CACHD1: variants seen among roughly 807,000 people sequenced by gnomAD.
The protein encoded by CACHD1 is cache domain containing 1, also known as VWFA and cache domain-containing protein 1.
CACHD1 carries 71 observed loss-of-function variants against 138.7 expected under a neutral mutation model. The ratio of observed to expected loss-of-function variants is 0.51; its 90% CI spans 0.42 to 0.62. The LOEUF (loss-of-function observed/expected upper bound fraction) is 0.62, where lower values mean the gene tolerates loss of function less well. Ranked by LOEUF, CACHD1 falls within the 20% of genes least tolerant of loss-of-function variation. The pLI is 0.00. For missense variants in CACHD1, 1,389 were observed against 1,625.3 expected (o/e 0.85, Z 2.50); for synonymous variants, 578 against 591.5 (o/e 0.98, Z 0.33).
chr1:64,629,491 C>T lies in CACHD1; in HGVS notation c.644+10C>T. On this transcript the variant is annotated intron_variant, in intron 5 of 26. Coordinates refer to ENST00000651257, the MANE Select transcript of CACHD1 (RefSeq NM_020925.4). ...ACGAACACCGCAGTAGGTATGTTGA[C>T]TTGCATGCTAAAGTTTTTAATTATT... 2 of 1,611,010 alleles carry T rather than the reference C, an allele frequency of 1.2e-6. No homozygotes were observed. The highest frequency in any genetic ancestry group is 2.7e-5 in the African/African-American group (2 of 74,892).
chr1:64,689,536 G>A (rs183247829), intron 26 of CACHD1, among the ~76,000 whole-genome samples: 19 of 152,028 alleles, frequency 1.2e-4, no homozygotes, highest in Admixed American at 8.5e-4. Context: ...CTTTCCTTTC[G>A]CTTCATCTCC....
At chr1:64,686,159 A>G (rs1262797478) in intron 26 of CACHD1, among the ~76,000 whole-genome samples, 2 of 152,168 alleles carry the variant, frequency 1.3e-5, no homozygotes, top group Non-Finnish European at 2.9e-5. Flanking sequence ...AACTGGTAGG[A>G]TTGTGGCGTC....
At chr1:64,658,940 C>A in intron 13 of CACHD1, 67 bp downstream of exon 13, 2 of 1,312,696 alleles carry the variant, frequency 1.5e-6, no homozygotes, top group Non-Finnish European at 2.0e-6. Context: ...CTTTTGAATA[C>A]CATCCACCCC....
At position 64,692,164 on chromosome 1, in the gene CACHD1, G is replaced by A. The variant is rs1414417876; in HGVS notation, c.*603G>A. 1.3e-5 allele frequency: 2 copies of A among 153,848 alleles called. No homozygotes were observed. Among genetic ancestry groups the A allele is most frequent in the Non-Finnish European group, 2.9e-5 (2 of 68,868 alleles). 9.5% of individuals were successfully genotyped at this position (153,848 alleles called of 1,614,324 possible). The stretch of plus-strand genomic sequence containing the variant: ...TTGGGGAAAAGGAAAGGAAACACAG[G>A]AGAAGTTTTCAGCAGTTGCCCCGAG... On this transcript the variant is annotated 3_prime_UTR_variant, in exon 27 of 27. Transcript: ENST00000651257.
chr1:64,645,798 T>C (rs1031617950), intron 8 of CACHD1, among the ~76,000 whole-genome samples: 1 of 152,172 alleles, frequency 6.6e-6, no homozygotes, highest in Non-Finnish European at 1.5e-5. Flanking sequence ...GAAAGGGAGC[T>C]GAACACAGAG....
At chr1:64,562,172 T>A (rs1170369922) in intron 2 of CACHD1, among the ~76,000 whole-genome samples, 1 of 152,058 alleles carries the variant, frequency 6.6e-6, no homozygotes, top group Non-Finnish European at 1.5e-5. Flanking sequence ...TTTGTTGAGC[T>A]TTTGGAATCT....
At chr1:64,642,144 T>C (rs1648739503) in intron 8 of CACHD1, among the ~76,000 whole-genome samples, 175 bp downstream of exon 8, 1 of 152,250 alleles carries the variant, frequency 6.6e-6, no homozygotes, top group African/African-American at 2.4e-5. Context: ...AGGAGGTTCC[T>C]TTCTCTTCAT....
chr1:64,661,959 G>T (rs1318512480), intron 13 of CACHD1, among the ~76,000 whole-genome samples: 5 of 152,306 alleles, frequency 3.3e-5, no homozygotes, highest in African/African-American at 1.2e-4. Flanking sequence ...GAAAGCATCA[G>T]AGCTAACATG....
chr1:64,541,672 AAAAAC>A (rs1229427445), intron 1 of CACHD1, among the ~76,000 whole-genome samples: 2 of 152,102 alleles, frequency 1.3e-5, no homozygotes, highest in African/African-American at 4.8e-5. Context: ...AACCAACAAA[AAAAAC>A]AAAAATTAGC....
Position 64,633,020 on chromosome 1 carries a change from T to G in CACHD1, c.789+277T>G, listed in dbSNP as rs374923029. Among the ~76,000 whole-genome samples the G allele has an allele frequency of 8.5e-5, 13 of 152,332 alleles. 1 individual carries two copies. Among genetic ancestry groups the G allele is most frequent in the Admixed American group, 5.2e-4 (8 of 15,306 alleles). ...TTATAACATAATAAAGTGTTGGCTA[T>G]CTCGTAGAATTTATTGAATACAGTA... On this transcript the variant is annotated intron_variant, in intron 6 of 26. Coordinates refer to ENST00000651257, the MANE Select transcript of CACHD1 (RefSeq NM_020925.4).
chr1:64,557,630 A>T (rs752555323), intron 2 of CACHD1, among the ~76,000 whole-genome samples: 1 of 152,034 alleles, frequency 6.6e-6, no homozygotes, highest in Non-Finnish European at 1.5e-5. Context: ...CATTTCACCT[A>T]TATTAAACAA....
intron 1 of CACHD1, among the ~76,000 whole-genome samples, chr1:64,525,934 T>C (rs1004708244): frequency 3.3e-5 from 5 of 152,230 alleles, no homozygotes; most frequent in African/African-American, 4.8e-5. Context: ...AAAATTATTA[T>C]TGCTTTTAAA....
intron 3 of CACHD1, among the ~76,000 whole-genome samples, chr1:64,583,247 T>C (rs1161778678): frequency 1.3e-5 from 2 of 152,210 alleles, no homozygotes; most frequent in African/African-American, 4.8e-5. Context: ...TATTTCTCCA[T>C]TTATATGATG....
chr1:64,539,073 C>T (rs1398007371), intron 1 of CACHD1, among the ~76,000 whole-genome samples: 1 of 152,088 alleles, frequency 6.6e-6, no homozygotes, highest in Non-Finnish European at 1.5e-5. Context: ...AACGTCAGAG[C>T]CTCTCAAGCA....
At chr1:64,494,216 G>A (rs1392633720) in intron 1 of CACHD1, among the ~76,000 whole-genome samples, 1 of 152,210 alleles carries the variant, frequency 6.6e-6, no homozygotes, top group Non-Finnish European at 1.5e-5. Context: ...AACAATGGTG[G>A]CTTCTTATCC....
At chr1:64,551,531 C>G (rs1646758979) in intron 2 of CACHD1, among the ~76,000 whole-genome samples, 1 of 152,090 alleles carries the variant, frequency 6.6e-6, no homozygotes, top group Non-Finnish European at 1.5e-5. Flanking sequence ...AGCTAAAAAC[C>G]AGAGTGTAGC....
chr1:64,660,111 A>G (rs1225820443), intron 13 of CACHD1, among the ~76,000 whole-genome samples: 1 of 152,228 alleles, frequency 6.6e-6, no homozygotes, highest in Non-Finnish European at 1.5e-5. Context: ...ACAAAAAAGT[A>G]TGTTTAAAAA....
In CACHD1 at chr1:64,691,185, C is replaced by T. The variant is rs1650541006; in HGVS notation, c.3587-138C>T. 10 of 719,360 alleles carry T rather than the reference C, an allele frequency of 1.4e-5. No individual in the cohort carries two copies. In the African/African-American group the frequency reaches 1.4e-4, roughly 10 times the overall value. The allele number at this position is 719,360 out of a possible 1,614,324, so 44.6% of individuals were successfully genotyped here. A position where few individuals can be genotyped will look rare whatever the true frequency, so the allele number is the denominator to read the frequency against. ...CTTTAAAAATAAATTACTTTAGCAT[C>T]TGCTGACAGTCTGCCAGTGTTTGCA... On this transcript the variant is annotated intron_variant, in intron 26 of 26. Coordinates refer to ENST00000651257, the MANE Select transcript of CACHD1 (RefSeq NM_020925.4).
intron 4 of CACHD1, among the ~76,000 whole-genome samples, chr1:64,603,813 TTC>T (rs1273906410): frequency 2.0e-5 from 3 of 152,334 alleles, no homozygotes; most frequent in Admixed American, 6.5e-5. Context: ...CACTCCATAT[TTC>T]TCTTTCTTTT....
Sources: allele counts gnomAD v4.1 joint callset (sites outside exome capture counted in the v4.1 genomes callset), GRCh38; gene constraint gnomAD v4.1.1; transcripts MANE v1.5; gene names NCBI Gene and HGNC (gene_info 2026-07-23, HGNC 2026-07-21).